SLCO1B3: variants seen among roughly 807,000 people sequenced by gnomAD.
The protein encoded by SLCO1B3 is liver-specific organic anion transporter 2.
In SLCO1B3, 72 loss-of-function variants were observed where a neutral mutation model predicts 71.8. That is an observed-to-expected ratio of 1.00 (90% CI 0.83 to 1.22). The LOEUF (loss-of-function observed/expected upper bound fraction) is 1.22, where lower values mean the gene tolerates loss of function less well. SLCO1B3 is among the 50% of genes most tolerant of loss of function. The pLI, the probability that SLCO1B3 is intolerant of heterozygous loss-of-function variation, is 0.00. For synonymous variants in SLCO1B3, 298 were observed against 278.4 expected, an observed-to-expected ratio of 1.07 and a Z score of -0.70; for missense variants, 911 against 819.7, an observed-to-expected ratio of 1.11 and a Z score of -1.36.
intron 3 of SLCO1B3, among the ~76,000 whole-genome samples, chr12:20,824,521 G>A (rs949012471): frequency 2.0e-5 from 3 of 152,120 alleles, no homozygotes; most frequent in Non-Finnish European, 2.9e-5. Flanking sequence ...TCTTAGAACA[G>A]CCATGGTTAA....
intron 13 of SLCO1B3, among the ~76,000 whole-genome samples, chr12:20,898,013 T>C (rs1274563658): frequency 2.0e-5 from 3 of 152,152 alleles, no homozygotes; most frequent in East Asian, 1.9e-4. Flanking sequence ...TCTGTTAACA[T>C]TGATGACAGA....
At chr12:20,862,658 T>C in intron 7 of SLCO1B3, 98 bp from the exon 8 acceptor site, 1 of 1,440,488 alleles carries the variant, frequency 6.9e-7, no homozygotes. Context: ...TAGAAAAATA[T>C]TTGCAGAAGT....
chr12:20,901,715 A>T (rs1459286878), intron 15 of SLCO1B3, among the ~76,000 whole-genome samples: 1 of 152,160 alleles, frequency 6.6e-6, no homozygotes, highest in Non-Finnish European at 1.5e-5. Context: ...ATAATGAGTA[A>T]CTTGTCAAAA....
intron 15 of SLCO1B3, among the ~76,000 whole-genome samples, chr12:20,907,569 C>T (rs1267807359): frequency 3.4e-5 from 5 of 148,072 alleles, no homozygotes; most frequent in African/African-American, 1.0e-4. Flanking sequence ...AGTGCAGTAG[C>T]GAAATCTCGG....
chr12:20,856,043 T>A (rs1214194566), intron 4 of SLCO1B3, among the ~76,000 whole-genome samples: 1 of 152,180 alleles, frequency 6.6e-6, no homozygotes, highest in Non-Finnish European at 1.5e-5. Context: ...TCAGAATATT[T>A]GTGATTCAAA....
intron 3 of SLCO1B3, among the ~76,000 whole-genome samples, chr12:20,849,565 G>A (rs1864981111): frequency 6.6e-6 from 1 of 151,732 alleles, no homozygotes; most frequent in African/African-American, 2.4e-5. Flanking sequence ...CATTAGACAA[G>A]AAAAAGAAAC....
chr12:20,842,997 C>G (rs896843114), intron 3 of SLCO1B3, among the ~76,000 whole-genome samples: 2 of 152,120 alleles, frequency 1.3e-5, no homozygotes, highest in Non-Finnish European at 2.9e-5. Flanking sequence ...GTCCTGATCT[C>G]AGACTTTTCA....
chr12:20,831,877 A>G (rs1053652992), intron 3 of SLCO1B3, among the ~76,000 whole-genome samples: 2 of 152,188 alleles, frequency 1.3e-5, no homozygotes, highest in African/African-American at 4.8e-5. Context: ...TATATGAGAT[A>G]TTGCGCTAGT....
At chr12:20,915,809 A>G (rs1866481034) in intron 15 of SLCO1B3, among the ~76,000 whole-genome samples, 195 bp from the exon 16 acceptor site, 1 of 152,094 alleles carries the variant, frequency 6.6e-6, no homozygotes, top group South Asian at 2.1e-4. Context: ...TAGTTTCTGT[A>G]GCTTCATATG....
chr12:20,867,070 C>G (rs1865387344), intron 8 of SLCO1B3, among the ~76,000 whole-genome samples: 1 of 152,064 alleles, frequency 6.6e-6, no homozygotes, highest in Admixed American at 6.6e-5. Context: ...TGGCAATGCT[C>G]TTGGTCATCC....
At chr12:20,892,823 CTG>C (rs760959339) in intron 13 of SLCO1B3, among the ~76,000 whole-genome samples, 31 of 152,122 alleles carry the variant, frequency 2.0e-4, no homozygotes, top group Non-Finnish European at 3.4e-4. Flanking sequence ...CCCTGAATGT[CTG>C]TGCTTATGAA....
chr12:20,818,104 G>A (rs1241105283), intron 3 of SLCO1B3, among the ~76,000 whole-genome samples: 1 of 152,168 alleles, frequency 6.6e-6, no homozygotes, highest in African/African-American at 2.4e-5. Flanking sequence ...TGTCTGGAAT[G>A]AGACTGGGGC....
chr12:20,862,239 T>A (rs1425266821), intron 6 of SLCO1B3, among the ~76,000 whole-genome samples, 173 bp from the exon 7 acceptor site: 3 of 152,224 alleles, frequency 2.0e-5, no homozygotes, highest in Non-Finnish European at 4.4e-5. Context: ...AAATTTTTAC[T>A]TGTTTTCTTT....
chr12:20,815,744 C>A lies in SLCO1B3; in HGVS notation c.6C>A (p.Asp2Glu). M[D>E]QHQHLNKTAE... The stretch of plus-strand genomic sequence containing the variant: ...TTGGTATCTGTAGTTTAATAATGGA[C>A]CAACATCAACATTTGAATAAAACAG... The change falls in exon 3 of 16, where the codon GAC becomes GAA. Residue 2 changes from aspartate to glutamate, a missense_variant. Asp to Glu is a conservative substitution (Grantham distance 45, BLOSUM62 2). Coordinates refer to ENST00000381545, the MANE Select transcript of SLCO1B3 (RefSeq NM_019844.4). 1.9e-6 allele frequency: 3 copies of A among 1,576,602 alleles called. No homozygotes were observed. Among genetic ancestry groups the A allele is most frequent in the South Asian group, 1.2e-5 (1 of 86,830 alleles).
At chr12:20,858,339 T>A in intron 4 of SLCO1B3, 100 bp from the exon 5 acceptor site, 1 of 788,160 alleles carries the variant, frequency 1.3e-6, no homozygotes, top group South Asian at 1.8e-5. Flanking sequence ...TGAGGGAAGG[T>A]ACAATGTCTT....
At chr12:20,836,244 T>C (rs1864677803) in intron 3 of SLCO1B3, among the ~76,000 whole-genome samples, 1 of 152,172 alleles carries the variant, frequency 6.6e-6, no homozygotes, top group African/African-American at 2.4e-5. Context: ...CCAAAACATA[T>C]CACTATTATA....
At chr12:20,811,072 T>A (rs1401784667) in intron 1 of SLCO1B3, among the ~76,000 whole-genome samples, 1 of 152,240 alleles carries the variant, frequency 6.6e-6, no homozygotes, top group Non-Finnish European at 1.5e-5. Flanking sequence ...GATGGACTTC[T>A]AGTTACTCTC....
intron 6 of SLCO1B3, among the ~76,000 whole-genome samples, chr12:20,861,383 C>T (rs554655395): frequency 2.6e-5 from 4 of 152,224 alleles, no homozygotes; most frequent in African/African-American, 9.6e-5. Context: ...AACCCACCAC[C>T]GATGTGGAGG....
intron 3 of SLCO1B3, among the ~76,000 whole-genome samples, chr12:20,818,906 G>T (rs184033031): frequency 2.8e-4 from 43 of 152,340 alleles, no homozygotes; most frequent in African/African-American, 8.9e-4. Context: ...TTGAAGTCCG[G>T]GCCAGGAACA....
Sources: gnomAD v4.1 joint callset for allele counts (sites outside exome capture counted in the v4.1 genomes callset) on GRCh38, gnomAD v4.1.1 for gene constraint, MANE v1.5 for transcripts, NCBI Gene and HGNC (gene_info 2026-07-23, HGNC 2026-07-21) for gene names.